The following FTL variants were observed in gnomAD, a reference collection of about 807,000 sequenced individuals.
The protein encoded by FTL is ferritin light chain.
A neutral mutation model predicts 16.6 loss-of-function variants in FTL; 17 were observed. That is an observed-to-expected ratio of 1.02 (90% CI 0.70 to 1.53). The LOEUF is 1.53. FTL is among the 40% of genes most tolerant of loss of function. The pLI is 0.00. For missense variants in FTL, 186 were observed against 226.1 expected (o/e 0.82, Z 1.14); for synonymous variants, 73 against 89.9 (o/e 0.81, Z 1.06).
rs779401105 is a variant in FTL at position 48,966,266 on chromosome 19, C to T, written c.250-15C>T. On this transcript the variant is annotated splice_polypyrimidine_tract_variant and intron_variant, in intron 2 of 3. Transcript: ENST00000331825. The stretch of plus-strand genomic sequence containing the variant: ...CGAGTGTGTGTATTCTGAGCCATTT[C>T]TCCCTTCTATATAGAAGCCAGCTGA... 1.9e-6 allele frequency: 3 copies of T among 1,613,950 alleles called. No homozygotes were observed. Among genetic ancestry groups the T allele is most frequent in the Non-Finnish European group, 1.7e-6 (2 of 1,180,014 alleles).
rs370595228 is a variant in FTL, at chr19:48,966,536, C to T, written c.376-47C>T. 8 of 1,612,482 alleles carry T rather than the reference C, an allele frequency of 5.0e-6. 1 individual carries two copies. The highest frequency in any genetic ancestry group is 4.4e-5 in the South Asian group (4 of 90,606). On this transcript the variant is annotated intron_variant, in intron 3 of 3. Coordinates refer to ENST00000331825, the MANE Select transcript of FTL (RefSeq NM_000146.4). Reference sequence around the variant, plus strand: ...ATCTGCAACTGGCTGCTCTCTCCCCCTCTTTTCCAGGGATTGGGTTTCTAA... The same window carrying T: ...ATCTGCAACTGGCTGCTCTCTCCCCTTCTTTTCCAGGGATTGGGTTTCTAA...
intron 2 of FTL, 34 bp downstream of exon 2, chr19:48,965,950 C>T (rs1341693294): frequency 6.2e-7 from 1 of 1,611,666 alleles, no homozygotes; most frequent in Non-Finnish European, 8.5e-7. Context: ...CTACATCTCC[C>T]AGCAGGCCGT....
intron 3 of FTL, 87 bp from the exon 4 acceptor site, chr19:48,966,496 A>G: frequency 6.2e-7 from 1 of 1,612,444 alleles, no homozygotes; most frequent in South Asian, 1.1e-5. Context: ...CTCATTTCAC[A>G]CCTGTCACAT....
At chr19:48,965,647 A>C (rs772075290) in intron 1 of FTL, 38 bp downstream of exon 1, 3 of 1,601,630 alleles carry the variant, frequency 1.9e-6, no homozygotes, top group Admixed American at 1.7e-5. Context: ...AATTTCCTCC[A>C]GCTGCGCACC....
In FTL at chr19:48,965,629, C is replaced by G. The variant is rs188684748; in HGVS notation, c.102+20C>G. 6.2e-7 allele frequency: 1 copy of G among 1,606,572 alleles called. No individual in the cohort carries two copies. Among genetic ancestry groups the G allele is most frequent in the Non-Finnish European group, 8.5e-7 (1 of 1,173,132 alleles). On this transcript the variant is annotated intron_variant, in intron 1 of 3. Coordinates refer to ENST00000331825, the MANE Select transcript of FTL (RefSeq NM_000146.4). ...TCTCTGGTGAGTCCCCAGGACGCCC[C>G]TGGCCCTAATTTCCTCCAGCTGCGC...
In FTL at chr19:48,965,874, G is replaced by A. The variant is rs1131691701; in HGVS notation, c.207G>A (p.Met69Ile). The change falls in exon 2 of 4, where the codon ATG becomes ATA. Residue 69 changes from methionine to isoleucine, a missense_variant. By Grantham distance (10) the Met-to-Ile change is conservative. Transcript: ENST00000331825. ...AGGGCTACGAGCGTCTCCTGAAGAT[G>A]CAAAACCAGCGTGGCGGCCGCGCTC... Reference protein sequence around the residue: ...KREGYERLLKMQNQRGGRALF... With the variant: ...KREGYERLLKIQNQRGGRALF... 2.5e-6 allele frequency: 4 copies of A among 1,614,068 alleles called. No individual in the cohort carries two copies. The highest frequency in any genetic ancestry group is 3.4e-6 in the Non-Finnish European group (4 of 1,180,032).
At position 48,966,586 on chromosome 19, in the gene FTL, T is replaced by C. The variant is rs2122435637; in HGVS notation, c.379T>C (p.Cys127Arg). 6.2e-7 allele frequency: 1 copy of C among 1,614,108 alleles called. No individual in the cohort carries two copies. The highest frequency in any genetic ancestry group is 8.5e-7 in the Non-Finnish European group (1 of 1,179,992). Residue 127 changes from cysteine (C) to arginine (R), a missense_variant, in exon 4 of 4, where the codon TGT becomes CGT. Coordinates refer to ENST00000331825, the MANE Select transcript of FTL (RefSeq NM_000146.4). ...ATTTCTCCCTCTTCTCTCTCAGCTC[T>C]GTGACTTCCTGGAGACTCACTTCCT... is the stretch of plus-strand genomic sequence containing the variant. ...LGSARTDPHL[C>R]DFLETHFLDE...
Position 48,966,401 on chromosome 19 carries a change from C to T in FTL, c.370C>T (p.Pro124Ser). 6.2e-7 allele frequency: 1 copy of T among 1,614,126 alleles called. No individual in the cohort carries two copies. The highest frequency in any genetic ancestry group is 8.5e-7 in the Non-Finnish European group (1 of 1,180,026). ...LHALGSARTD[P>S]HLCDFLETHF... ...TGCCCTGGGTTCTGCCCGCACGGACCCCCATGTACGTACCCGCTGCATCCA... is the reference window on the plus strand; with the variant it reads ...TGCCCTGGGTTCTGCCCGCACGGACTCCCATGTACGTACCCGCTGCATCCA... Residue 124 changes from proline to serine, a missense_variant, in exon 3 of 4, where the codon CCC (proline) becomes TCC (serine). Coordinates refer to ENST00000331825, the MANE Select transcript of FTL (RefSeq NM_000146.4).
In FTL at chr19:48,965,894, G is replaced by C. The variant is rs780377448; in HGVS notation, c.227G>C (p.Arg76Pro). The change falls in exon 2 of 4, where the codon CGC (arginine) becomes CCC (proline). Residue 76 changes from arginine to proline, a missense_variant. Arg to Pro is a moderately radical substitution (Grantham distance 103). Coordinates refer to ENST00000331825, the MANE Select transcript of FTL (RefSeq NM_000146.4). ...LLKMQNQRGG[R>P]ALFQDIKKPA... ...AAGATGCAAAACCAGCGTGGCGGCCGCGCTCTCTTCCAGGACATCAAGGTA... is the reference window on the plus strand; with the variant it reads ...AAGATGCAAAACCAGCGTGGCGGCCCCGCTCTCTTCCAGGACATCAAGGTA... 6.2e-7 allele frequency: 1 copy of C among 1,614,160 alleles called. No individual in the cohort carries two copies. Among genetic ancestry groups the C allele is most frequent in the Non-Finnish European group, 8.5e-7 (1 of 1,180,004 alleles).
intron 2 of FTL, 168 bp downstream of exon 2, chr19:48,966,084 C>G: frequency 8.5e-7 from 1 of 1,178,460 alleles, no homozygotes; most frequent in South Asian, 1.3e-5. Context: ...GCCCACAACA[C>G]GCGGCAGTCC....
chr19:48,966,454 T>C, intron 3 of FTL, 48 bp downstream of exon 3: 1 of 1,614,078 alleles, frequency 6.2e-7, no homozygotes, highest in African/African-American at 1.3e-5. Flanking sequence ...CCCTCAAGCC[T>C]CTGCTCCCTT....
At chr19:48,966,233 C>T (rs1474689059) in intron 2 of FTL, 48 bp from the exon 3 acceptor site, 1 of 1,612,906 alleles carries the variant, frequency 6.2e-7, no homozygotes, top group Non-Finnish European at 8.5e-7. Context: ...AGGTTTAGTT[C>T]TATGTGCCGA....
Position 48,965,785 on chromosome 19 carries a change from C to T in FTL, c.118C>T (p.Arg40Cys). The change falls in exon 2 of 4, where the codon CGC (arginine) becomes TGC (cysteine). Residue 40 changes from arginine to cysteine, a missense_variant. Physicochemically the swap from Arg to Cys is radical, Grantham distance 180. Transcript: ENST00000331825. ...TYLSLGFYFD[R>C]DDVALEGVSH... ...CTTCCCGTAGGGCTTCTATTTCGAC[C>T]GCGATGATGTGGCTCTGGAAGGCGT... 1 of 1,614,152 alleles carries T rather than the reference C, an allele frequency of 6.2e-7. No individual in the cohort carries two copies. Among genetic ancestry groups the T allele is most frequent in the East Asian group, 2.2e-5 (1 of 44,894 alleles).
In FTL at chr19:48,966,768, C is replaced by T. The variant is rs779967554; in HGVS notation, c.*33C>T. 3.7e-6 allele frequency: 6 copies of T among 1,610,970 alleles called. No individual in the cohort carries two copies. In the South Asian group the frequency reaches 4.4e-5, roughly 12 times the overall value. On this transcript the variant is annotated 3_prime_UTR_variant, in exon 4 of 4. Transcript: ENST00000331825. Reference sequence around the variant, plus strand: ...CTGAGCCCAGCGACTTCTGAAGGGCCCCTTGCAAAGTAATAGGGCTTCTGC... The same window carrying T: ...CTGAGCCCAGCGACTTCTGAAGGGCTCCTTGCAAAGTAATAGGGCTTCTGC...
intron 2 of FTL, 49 bp downstream of exon 2, chr19:48,965,965 G>T (rs1302500949): frequency 6.2e-7 from 1 of 1,603,202 alleles, no homozygotes; most frequent in Non-Finnish European, 8.5e-7. Flanking sequence ...GGCCGTGCGC[G>T]CGAGGAGCCT....
At chr19:48,966,458 C>T in intron 3 of FTL, 52 bp downstream of exon 3, 2 of 1,614,136 alleles carry the variant, frequency 1.2e-6, no homozygotes, top group Non-Finnish European at 8.5e-7. Context: ...CAAGCCTCTG[C>T]TCCCTTTGGG....
intron 2 of FTL, 42 bp downstream of exon 2, chr19:48,965,958 C>A (rs1443873474): frequency 6.2e-7 from 1 of 1,608,462 alleles, no homozygotes; most frequent in East Asian, 2.2e-5. Context: ...CCCAGCAGGC[C>A]GTGCGCGCGA....
chr19:48,966,044 C>G lies in FTL; in HGVS notation c.249+128C>G. 3.8e-6 allele frequency: 5 copies of G among 1,326,896 alleles called. No individual in the cohort carries two copies. In the South Asian group the frequency reaches 5.0e-5, roughly 13 times the overall value. The allele number at this position is 1,326,896 out of a possible 1,614,324, so 82.2% of individuals were successfully genotyped here. On this transcript the variant is annotated intron_variant, in intron 2 of 3. Transcript: ENST00000331825. ...GTTCGGTCTTGTGAGCCCTCTTAAC[C>G]GCTGGAAATAGAGGCGCACCTCGTG...
rs774474599 is a variant in FTL at position 48,965,506 on chromosome 19, C to T, written c.-2C>T. On this transcript the variant is annotated 5_prime_UTR_variant, in exon 1 of 4. Coordinates refer to ENST00000331825, the MANE Select transcript of FTL (RefSeq NM_000146.4). ...TGGTTAGCTCCTTCTTGCCAACCAA[C>T]CATGAGCTCCCAGATTCGTCAGAAT... 9 of 1,611,504 alleles carry T rather than the reference C, an allele frequency of 5.6e-6. No individual in the cohort carries two copies. Among genetic ancestry groups the T allele is most frequent in the Non-Finnish European group, 6.8e-6 (8 of 1,178,238 alleles).
Sources: allele counts gnomAD v4.1 joint callset, GRCh38; gene constraint gnomAD v4.1.1; transcripts MANE v1.5; gene names NCBI Gene and HGNC (gene_info 2026-07-23, HGNC 2026-07-21).